SLC7A5: variants seen among roughly 807,000 people sequenced by gnomAD.
The protein encoded by SLC7A5 is large neutral amino acids transporter small subunit 1.
A neutral mutation model predicts 50.2 loss-of-function variants in SLC7A5; 23 were observed. The observed-to-expected ratio is 0.46, with a 90% CI of 0.33 to 0.65. The LOEUF is 0.65. Ranked by LOEUF, SLC7A5 falls within the 30% of genes least tolerant of loss-of-function variation. The probability of loss-of-function intolerance (pLI) is 0.02; values close to 1 mark genes in which losing one functional copy is unlikely to be tolerated. For missense variants in SLC7A5, 578 were observed against 684.4 expected, an observed-to-expected ratio of 0.84 and a Z score of 1.73; for synonymous variants, 393 against 330.6, an observed-to-expected ratio of 1.19 and a Z score of -2.05.
At chr16:87,835,818 G>A (rs1354089348) in intron 8 of SLC7A5, among the ~76,000 whole-genome samples, 1 of 152,200 alleles carries the variant, frequency 6.6e-6, no homozygotes. Flanking sequence ...GGGGCCCCCA[G>A]GCTTCGGGAA....
intron 1 of SLC7A5, among the ~76,000 whole-genome samples, chr16:87,864,014 G>A (rs1236997804): frequency 2.2e-4 from 3 of 13,402 alleles, no homozygotes; most frequent in Admixed American, 8.2e-4. Flanking sequence ...TATATCAGCC[G>A]AGTAGGCTGA....
chr16:87,844,242 C>T (rs894909454), intron 2 of SLC7A5, among the ~76,000 whole-genome samples: 8 of 152,212 alleles, frequency 5.3e-5, no homozygotes, highest in Non-Finnish European at 7.3e-5. Flanking sequence ...TGAAAGCAAA[C>T]GCACAGCCAA....
rs1488789506 is a variant in SLC7A5 at position 87,841,133 on chromosome 16, G to A, written c.687C>T (p.Pro229=). 2.5e-6 allele frequency: 4 copies of A among 1,613,474 alleles called. No homozygotes were observed. The highest frequency in any genetic ancestry group is 3.4e-6 in the Non-Finnish European group (4 of 1,179,548). The part of the protein sequence containing the change: ...IGKGDVSNLD[P]NFSFEGTKLD... ...GTTTGGTGCCTTCAAATGAGAAGTT[G>A]GGATCTAGATTGGACACATCACCTG... Residue 229 remains proline, a synonymous_variant, in exon 3 of 10, where the codon CCC becomes CCT. Transcript: ENST00000261622. This position sits in a 1 kb window ranked among gnomAD's most constrained non-coding sequence, Gnocchi z 4.8.
chr16:87,845,102 A>G (rs8052746), intron 2 of SLC7A5, among the ~76,000 whole-genome samples: 102,990 of 152,086 alleles, frequency 0.68, 35,956 homozygotes, highest in East Asian at 0.84. Context: ...TGCCAGGACC[A>G]GGACCGTCTG....
chr16:87,860,391 CACACACACATATAT>C lies in SLC7A5; in HGVS notation c.538+8480_538+8493del, dbSNP rs2055380975. Among the ~76,000 whole-genome samples the C allele has an allele frequency of 1.2e-5, 1 of 86,710 alleles. No homozygotes were observed. The highest frequency in any genetic ancestry group is 3.2e-4 in the East Asian group (1 of 3,164). The allele number at this position is 86,710 out of a possible 152,430, so 56.9% of individuals were successfully genotyped here. Reference sequence around the variant, plus strand: ...ACACACACACACACACACACACACACACACACACATATATATATAAAGAAAAAGGAAATCTTCGA... The same window carrying C: ...ACACACACACACACACACACACACACATATAAAGAAAAAGGAAATCTTCGA... On this transcript the variant is annotated intron_variant, in intron 1 of 9. Transcript: ENST00000261622. The surrounding 1 kb of genome is among the most constrained non-coding windows in gnomAD (Gnocchi z 4.8).
chr16:87,845,926 A>T (rs993975877), intron 2 of SLC7A5, among the ~76,000 whole-genome samples: 1 of 152,158 alleles, frequency 6.6e-6, no homozygotes, highest in Non-Finnish European at 1.5e-5. Context: ...GTCCCAGCAC[A>T]CGGCACCGGC....
At chr16:87,836,477 A>AGCGGGAG in intron 8 of SLC7A5, 21 bp downstream of exon 8, 1 of 1,606,488 alleles carries the variant, frequency 6.2e-7, no homozygotes, top group Non-Finnish European at 8.5e-7. Context: ...TGCCTGGGTG[A>AGCGGGAG]GCGGGAGGCC....
rs774359655 is a variant in SLC7A5, at chr16:87,830,352, C to T, written c.*2618G>A. On this transcript the variant is annotated 3_prime_UTR_variant, in exon 10 of 10. Transcript: ENST00000261622. ...GTTAGCACAAAACAAAAAAGCACAA[C>T]GACTGAAAATGCACTTGCTTGTTGT... is the stretch of plus-strand genomic sequence containing the variant. The T allele has an allele frequency of 3.9e-5, 6 of 152,362 alleles. No individual in the cohort carries two copies. Among genetic ancestry groups the T allele is most frequent in the East Asian group, 1.9e-4 (1 of 5,184 alleles). 9.4% of individuals were successfully genotyped at this position (152,362 alleles called of 1,614,324 possible).
At chr16:87,835,726 G>T (rs567716521) in intron 8 of SLC7A5, among the ~76,000 whole-genome samples, 3 of 152,030 alleles carry the variant, frequency 2.0e-5, no homozygotes, top group Admixed American at 6.5e-5. Flanking sequence ...TGCCCGCCTC[G>T]GCCTCCCAAA....
In SLC7A5 at chr16:87,853,533, A is replaced by G. The variant is rs1331804450; in HGVS notation, c.539-1684T>C. Among the ~76,000 whole-genome samples, 2 of 152,182 alleles carry G rather than the reference A, an allele frequency of 1.3e-5. No homozygotes were observed. Among genetic ancestry groups the G allele is most frequent in the Non-Finnish European group, 2.9e-5 (2 of 68,024 alleles). Reference sequence around the variant, plus strand: ...AGGGACATGGAGATGTTACCAGTCCAGAGCTCTCCAGTCCAACCCTCAGGG... The same window carrying G: ...AGGGACATGGAGATGTTACCAGTCCGGAGCTCTCCAGTCCAACCCTCAGGG... On this transcript the variant is annotated intron_variant, in intron 1 of 9. Transcript: ENST00000261622. The surrounding 1 kb of genome is among the most constrained non-coding windows in gnomAD (Gnocchi z 4.4).
In SLC7A5 at chr16:87,840,449, C is replaced by T; in HGVS notation, c.795G>A (p.Glu265=). 6.2e-7 allele frequency: 1 copy of T among 1,612,518 alleles called. No homozygotes were observed. Among genetic ancestry groups the T allele is most frequent in the Non-Finnish European group, 8.5e-7 (1 of 1,178,532 alleles). The part of the protein sequence containing the change: ...GGWNYLNFVT[E]EMINPYRNLP... Reference sequence around the variant, plus strand: ...CGTACCTGTAGGGGTTGATCATTTCCTCTGTGACGAAATTCAAGTAATTCC... The same window carrying T: ...CGTACCTGTAGGGGTTGATCATTTCTTCTGTGACGAAATTCAAGTAATTCC... Residue 265 remains glutamate (E), a synonymous_variant, in exon 4 of 10, where the codon GAG becomes GAA. Coordinates refer to ENST00000261622, the MANE Select transcript of SLC7A5 (RefSeq NM_003486.7).
Position 87,832,770 on chromosome 16 carries a change from G to A in SLC7A5, c.*200C>T, listed in dbSNP as rs2054948897. On this transcript the variant is annotated 3_prime_UTR_variant, in exon 10 of 10. Coordinates refer to ENST00000261622, the MANE Select transcript of SLC7A5 (RefSeq NM_003486.7). The surrounding 1 kb of genome is among the most constrained non-coding windows in gnomAD (Gnocchi z 4.6). ...CTGGGCAGGAGCACAGGCACACCTG[G>A]GTCCCTGGCCCTCAGTTGAGGGATG... 6.7e-6 allele frequency: 4 copies of A among 593,426 alleles called. No homozygotes were observed. The highest frequency in any genetic ancestry group is 1.9e-5 in the African/African-American group (1 of 52,664). 36.8% of individuals were successfully genotyped at this position (593,426 alleles called of 1,614,324 possible).
rs908410957 is a variant in SLC7A5, at chr16:87,861,642, G to C, written c.538+7243C>G. 1.3e-5 allele frequency among the ~76,000 whole-genome samples: 2 copies of C among 152,314 alleles called. No individual in the cohort carries two copies. The highest frequency in any genetic ancestry group is 4.8e-5 in the African/African-American group (2 of 41,572). ...CTTGGACACCCCTCTCCTGGGGGTG[G>C]CTCTCAACCTGGCCTGGGCCCCCGG... is the stretch of plus-strand genomic sequence containing the variant. On this transcript the variant is annotated intron_variant, in intron 1 of 9. Transcript: ENST00000261622. This position sits in a 1 kb window ranked among gnomAD's most constrained non-coding sequence, Gnocchi z 4.2.
intron 8 of SLC7A5, among the ~76,000 whole-genome samples, chr16:87,834,928 G>A (rs942716288): frequency 5.3e-5 from 8 of 152,228 alleles, no homozygotes; most frequent in Admixed American, 2.0e-4. Context: ...ACGCACAGGG[G>A]CCTGATGCTT....
rs965244246 is a variant in SLC7A5 at position 87,833,095 on chromosome 16, G to A, written c.1469-70C>T. ...GCACCCGTGGGACACGGGGGCGTGAGCTGGGGCTCCCCCAGCCCTGCTGTC... is the reference window on the plus strand; with the variant it reads ...GCACCCGTGGGACACGGGGGCGTGAACTGGGGCTCCCCCAGCCCTGCTGTC... On this transcript the variant is annotated intron_variant, in intron 9 of 9. Transcript: ENST00000261622. This position sits in a 1 kb window ranked among gnomAD's most constrained non-coding sequence, Gnocchi z 6.0. The A allele has an allele frequency of 9.0e-6, 12 of 1,327,266 alleles. No homozygotes were observed. In the East Asian group the frequency reaches 2.3e-4, roughly 25 times the overall value. 82.2% of individuals were successfully genotyped at this position (1,327,266 alleles called of 1,614,324 possible). A position where few individuals can be genotyped will look rare whatever the true frequency, so the allele number is the denominator to read the frequency against.
chr16:87,856,337 T>C (rs2055319899), intron 1 of SLC7A5, among the ~76,000 whole-genome samples: 1 of 152,202 alleles, frequency 6.6e-6, no homozygotes, highest in South Asian at 2.1e-4. Flanking sequence ...GACGATTGTT[T>C]ACCCAGAACT....
intron 2 of SLC7A5, among the ~76,000 whole-genome samples, chr16:87,842,894 A>G (rs34380332): frequency 0.31 from 47,722 of 151,900 alleles, 8,059 homozygotes; most frequent in South Asian, 0.57. Context: ...CCTCTCTCCC[A>G]TCTGCTCTCT....
At position 87,833,727 on chromosome 16, in the gene SLC7A5, A is replaced by G. The variant is rs1343003946; in HGVS notation, c.1468+687T>C. Among the ~76,000 whole-genome samples, 9 of 151,996 alleles carry G rather than the reference A, an allele frequency of 5.9e-5. No individual in the cohort carries two copies. The East Asian group carries it at 1.7e-3, about 29-fold the overall frequency. On this transcript the variant is annotated intron_variant, in intron 9 of 9. Transcript: ENST00000261622. This position sits in a 1 kb window ranked among gnomAD's most constrained non-coding sequence, Gnocchi z 6.0. ...ATGGGGATCAGCATGTAGGCCCGCA[A>G]GCACCCCGGCCTTTTTCTACGAGCC...
At chr16:87,843,347 CTTTTTTTTTTTTTTTTTTTTTTTTTT>C (rs60307560) in intron 2 of SLC7A5, among the ~76,000 whole-genome samples, 14 of 63,258 alleles carry the variant, frequency 2.2e-4, no homozygotes, top group African/African-American at 9.2e-4. Context: ...GCCTGAGTAA[CTTTTTTTTTTTTTTTTTTTTTTTTTT>C]TTTTTTTTTT....
Sources: gnomAD v4.1 joint callset for allele counts (sites outside exome capture counted in the v4.1 genomes callset) on GRCh38, gnomAD v4.1.1 for gene constraint, Gnocchi (gnomAD v3.1) non-coding constraint, MANE v1.5 for transcripts, NCBI Gene and HGNC (gene_info 2026-07-23, HGNC 2026-07-21) for gene names.